The following IMPG2 variants were observed in gnomAD, a reference collection of about 807,000 sequenced individuals.
IMPG2 encodes the protein interphotoreceptor matrix proteoglycan 2, also known as IPM 200.
Under a neutral mutation model 129.2 loss-of-function variants are expected in IMPG2, and 91 were observed. The ratio of observed to expected loss-of-function variants is 0.70; its 90% CI spans 0.59 to 0.84. The LOEUF (loss-of-function observed/expected upper bound fraction) is 0.84. Ranked by LOEUF, IMPG2 falls within the 40% of genes least tolerant of loss-of-function variation. The pLI, the probability that IMPG2 is intolerant of heterozygous loss-of-function variation, is 0.00. For missense variants in IMPG2, 1,430 were observed against 1,461.7 expected (o/e 0.98, Z 0.35); for synonymous variants, 510 against 517.7 (o/e 0.99, Z 0.20).
rs540665438 is a variant in IMPG2 at position 101,292,617 on chromosome 3, A to G, written c.502-1107T>C. ...ATGATGGCTGCTGATGATTGAGGTAACTGTGGCAATTTCATAAAAATAAGA... is the reference window on the plus strand; with the variant it reads ...ATGATGGCTGCTGATGATTGAGGTAGCTGTGGCAATTTCATAAAAATAAGA... On this transcript the variant is annotated intron_variant, in intron 3 of 18. Coordinates refer to ENST00000193391, the MANE Select transcript of IMPG2 (RefSeq NM_016247.4). 8.9e-4 allele frequency among the ~76,000 whole-genome samples: 135 copies of G among 152,316 alleles called. 1 individual carries two copies. Among genetic ancestry groups the G allele is most frequent in the African/African-American group, 2.9e-3 (121 of 41,568 alleles).
At chr3:101,278,893 G>A (rs1250938604) in intron 4 of IMPG2, among the ~76,000 whole-genome samples, 6 of 152,138 alleles carry the variant, frequency 3.9e-5, no homozygotes, top group Non-Finnish European at 7.4e-5. Context: ...TTATTTTGAT[G>A]AGCAGAGGAC....
rs112812422 is a variant in IMPG2 at position 101,249,286 on chromosome 3, G to T, written c.1240-3181C>A. 6.0e-3 allele frequency among the ~76,000 whole-genome samples: 919 copies of T among 152,236 alleles called. 14 individuals carry two copies. The highest frequency in any genetic ancestry group is 0.021 in the Middle Eastern group (6 of 292). ...TGAGACCCTGGATGAGTGATATTAT[G>T]CAAATGTGCCATCATTTTATAATAC... On this transcript the variant is annotated intron_variant, in intron 11 of 18. Coordinates refer to ENST00000193391, the MANE Select transcript of IMPG2 (RefSeq NM_016247.4).
intron 16 of IMPG2, 78 bp from the exon 17 acceptor site, chr3:101,229,668 T>G (rs1383654486): frequency 7.7e-7 from 1 of 1,304,752 alleles, no homozygotes; most frequent in Non-Finnish European, 1.1e-6. Context: ...TGGGACAATA[T>G]TTCTGTTGAA....
At chr3:101,318,726 T>C (rs1303871132) in intron 2 of IMPG2, among the ~76,000 whole-genome samples, 2 of 152,154 alleles carry the variant, frequency 1.3e-5, no homozygotes, top group Non-Finnish European at 2.9e-5. Context: ...TTTCACCTTG[T>C]TTACTAACAT....
chr3:101,311,211 TA>T (rs1246439723), intron 2 of IMPG2, among the ~76,000 whole-genome samples: 1 of 149,350 alleles, frequency 6.7e-6, no homozygotes, highest in Non-Finnish European at 1.5e-5. Flanking sequence ...TCAGTGGTTC[TA>T]ACCAGGGCAA....
intron 11 of IMPG2, 117 bp downstream of exon 11, chr3:101,253,579 A>C (rs1706567168): frequency 1.3e-6 from 1 of 752,768 alleles, no homozygotes; most frequent in African/African-American, 1.7e-5. Context: ...GGGATGATGC[A>C]AGAGAATAAT....
At chr3:101,296,321 T>A (rs376118993) in intron 3 of IMPG2, among the ~76,000 whole-genome samples, 1 of 152,326 alleles carries the variant, frequency 6.6e-6, no homozygotes, top group East Asian at 1.9e-4. Context: ...ATTGAGATGA[T>A]CATGTGGTTT....
In IMPG2 at chr3:101,256,718, C is replaced by T. The variant is rs1038506929; in HGVS notation, c.1153+811G>A. On this transcript the variant is annotated intron_variant, in intron 10 of 18. Transcript: ENST00000193391. ...TAGCATTGCCTCACATGAAGATTTT[C>T]CTCCTCAGCAGCTGGTACTTCTCCC... Among the ~76,000 whole-genome samples the T allele has an allele frequency of 5.3e-5, 8 of 152,114 alleles. No homozygotes were observed. The South Asian group carries it at 6.2e-4, about 12-fold the overall frequency.
chr3:101,229,603 TATG>T lies in IMPG2; in HGVS notation c.3423-16_3423-14del. 6.2e-7 allele frequency: 1 copy of T among 1,609,848 alleles called. No homozygotes were observed. The highest frequency in any genetic ancestry group is 8.5e-7 in the Non-Finnish European group (1 of 1,176,676). ...CCTGCTGGAGCCACTAAAAGAAAGA[TATG>T]ATGGATTCAGGCTCTTGTTTGGATG... On this transcript the variant is annotated splice_polypyrimidine_tract_variant and intron_variant, in intron 16 of 18. Transcript: ENST00000193391.
At chr3:101,314,673 A>G (rs2058775321) in intron 2 of IMPG2, among the ~76,000 whole-genome samples, 1 of 152,128 alleles carries the variant, frequency 6.6e-6, no homozygotes, top group African/African-American at 2.4e-5. Context: ...CAGTGTTTTA[A>G]TTATTGTGGT....
At chr3:101,261,742 C>T (rs1045450018) in intron 9 of IMPG2, among the ~76,000 whole-genome samples, 3 of 152,040 alleles carry the variant, frequency 2.0e-5, no homozygotes, top group African/African-American at 7.2e-5. Flanking sequence ...AGACAGAGTT[C>T]TGGCATAGTA....
At chr3:101,239,964 T>C (rs1257931190) in intron 14 of IMPG2, among the ~76,000 whole-genome samples, 1 of 152,058 alleles carries the variant, frequency 6.6e-6, no homozygotes, top group East Asian at 1.9e-4. Flanking sequence ...ATATACCTAA[T>C]GTAGATGACT....
chr3:101,278,229 T>C (rs143262182), intron 4 of IMPG2, among the ~76,000 whole-genome samples: 30 of 152,274 alleles, frequency 2.0e-4, no homozygotes, highest in African/African-American at 6.3e-4. Flanking sequence ...AGGAAGACTC[T>C]GCCTCTAAAT....
intron 3 of IMPG2, among the ~76,000 whole-genome samples, chr3:101,303,748 A>C (rs1707161643): frequency 6.6e-6 from 1 of 152,194 alleles, no homozygotes. Flanking sequence ...CCTCTATCTT[A>C]ATTAGAGTTA....
chr3:101,274,170 C>T (rs1480553435), intron 6 of IMPG2, among the ~76,000 whole-genome samples: 4 of 151,882 alleles, frequency 2.6e-5, no homozygotes, highest in Non-Finnish European at 4.4e-5. Context: ...GCCTGGGTGA[C>T]GGAGCAATAC....
intron 5 of IMPG2, among the ~76,000 whole-genome samples, chr3:101,276,268 A>G (rs750836551): frequency 1.5e-4 from 23 of 152,332 alleles, no homozygotes; most frequent in Non-Finnish European, 2.8e-4. Flanking sequence ...GAACATGTTA[A>G]ACTATACCAC....
In IMPG2 at chr3:101,243,774, C is replaced by G; in HGVS notation, c.2557G>C (p.Glu853Gln). The change falls in exon 13 of 19, where the codon GAG (glutamate) becomes CAG (glutamine). Residue 853 changes from glutamate (E) to glutamine (Q), a missense_variant. Transcript: ENST00000193391. Reference protein sequence around the residue: ...DRIGTDYYQPEQVQEQNGKVG... With the variant: ...DRIGTDYYQPQQVQEQNGKVG... ...TTGCCATTTTGCTCTTGGACTTGCT[C>G]AGGCTGATAGTAATCTGTGCCTATC... The G allele has an allele frequency of 6.2e-7, 1 of 1,613,944 alleles. No individual in the cohort carries two copies. Among genetic ancestry groups the G allele is most frequent in the Non-Finnish European group, 8.5e-7 (1 of 1,179,868 alleles).
chr3:101,229,300 A>ACCCCCCCCCCCCCCCCCCAGGGCC, intron 17 of IMPG2, 80 bp downstream of exon 17: 1 of 859,118 alleles, frequency 1.2e-6, no homozygotes, highest in Non-Finnish European at 1.9e-6. Context: ...ACTCATACAC[A>ACCCCCCCCCCCCCCCCCCAGGGCC]CCCCCACCCA....
chr3:101,265,298 T>C (rs141935332), intron 9 of IMPG2, among the ~76,000 whole-genome samples: 29 of 152,222 alleles, frequency 1.9e-4, no homozygotes, highest in African/African-American at 5.8e-4. Flanking sequence ...ACTTCAAATA[T>C]AGTACAAAGC....
Sources: gnomAD v4.1 joint callset for allele counts (sites outside exome capture counted in the v4.1 genomes callset) on GRCh38, gnomAD v4.1.1 for gene constraint, MANE v1.5 for transcripts, NCBI Gene and HGNC (gene_info 2026-07-23, HGNC 2026-07-21) for gene names.